ACYP2: variants seen among roughly 807,000 people sequenced by gnomAD.
ACYP2 encodes acylphosphatase 2, also known as acylphosphatase-2.
Under a neutral mutation model 11.2 loss-of-function variants are expected in ACYP2, and 12 were observed. That is an observed-to-expected ratio of 1.08 (90% confidence interval 0.69 to 1.74). ACYP2 has a LOEUF of 1.74. Ranked by LOEUF, ACYP2 falls within the 40% of genes most tolerant of loss-of-function variation. ACYP2 has a pLI of 0.00. For synonymous variants in ACYP2, 43 were observed against 32.2 expected, an observed-to-expected ratio of 1.33 and a Z score of -1.13; for missense variants, 134 against 101.9, an observed-to-expected ratio of 1.31 and a Z score of -1.35.
At chr2:54,018,237 G>T (rs376991992) in intron 2 of ACYP2, among the ~76,000 whole-genome samples, 54 of 152,304 alleles carry the variant, frequency 3.5e-4, no homozygotes, top group African/African-American at 1.3e-3. Context: ...CCCTCCCCCA[G>T]AGTTGCTGAT....
chr2:54,158,641 A>G (rs754888973), intron 6 of ACYP2, among the ~76,000 whole-genome samples: 2 of 152,224 alleles, frequency 1.3e-5, no homozygotes, highest in African/African-American at 2.4e-5. Flanking sequence ...ATTCCTGGAT[A>G]TGGGTCAAAG....
At chr2:54,177,732 C>A (rs1010134888) in intron 6 of ACYP2, among the ~76,000 whole-genome samples, 1 of 151,766 alleles carries the variant, frequency 6.6e-6, no homozygotes, top group African/African-American at 2.4e-5. Context: ...CACGCACCAC[C>A]ATGCCCAGAT....
intron 6 of ACYP2, among the ~76,000 whole-genome samples, chr2:54,164,007 G>A (rs1407349494): frequency 6.6e-6 from 1 of 152,234 alleles, no homozygotes; most frequent in African/African-American, 2.4e-5. Flanking sequence ...ACTTATGCCT[G>A]TGAAAGTTAA....
chr2:54,092,419 T>C (rs1010884638), intron 4 of ACYP2, among the ~76,000 whole-genome samples: 1 of 152,290 alleles, frequency 6.6e-6, no homozygotes, highest in Middle Eastern at 3.4e-3. Context: ...CCAGTTGTGA[T>C]GGTAAGTGAA....
At chr2:54,095,853 T>A (rs1210785924) in intron 4 of ACYP2, among the ~76,000 whole-genome samples, 5 of 46,456 alleles carry the variant, frequency 1.1e-4, no homozygotes, top group Admixed American at 1.9e-4. Context: ...CACTTCCCAG[T>A]AGGGGCGGCC....
intron 2 of ACYP2, among the ~76,000 whole-genome samples, chr2:54,048,599 C>A (rs1374203817): frequency 2.0e-5 from 3 of 152,138 alleles, no homozygotes; most frequent in Non-Finnish European, 4.4e-5. Context: ...CTACTGGGCT[C>A]AAGGGATCCT....
Position 54,089,673 on chromosome 2 carries a change from A to G in ACYP2, c.277+32313A>G, listed in dbSNP as rs1470890170. ...AAGGATCGCCTAAGCCCCAGTGGTC[A>G]AGGTTGCAGTGAGCCGTGACTGCAC... On this transcript the variant is annotated intron_variant, in intron 4 of 6. Coordinates refer to ENST00000607452, the MANE Select transcript of ACYP2 (RefSeq NM_001320586.2). Among the ~76,000 whole-genome samples, 3 of 152,002 alleles carry G rather than the reference A, an allele frequency of 2.0e-5. No individual in the cohort carries two copies. The East Asian group carries it at 5.8e-4, about 29-fold the overall frequency.
At chr2:54,177,536 T>C (rs988578211) in intron 6 of ACYP2, among the ~76,000 whole-genome samples, 7 of 144,854 alleles carry the variant, frequency 4.8e-5, no homozygotes, top group Non-Finnish European at 1.0e-4. Flanking sequence ...CGTTTGAGTA[T>C]GCCATCTATT....
intron 6 of ACYP2, among the ~76,000 whole-genome samples, chr2:54,256,789 C>A (rs1440024943): frequency 2.0e-5 from 3 of 152,042 alleles, no homozygotes; most frequent in Non-Finnish European, 4.4e-5. Context: ...TTACAGGCGC[C>A]CACCACCATG....
intron 6 of ACYP2, among the ~76,000 whole-genome samples, chr2:54,154,861 T>C (rs1392956680): frequency 1.3e-5 from 2 of 152,206 alleles, no homozygotes; most frequent in Non-Finnish European, 2.9e-5. Context: ...TTAGTTTAAA[T>C]GTTTGGCAGA....
rs556776306 is a variant in ACYP2 at position 54,157,006 on chromosome 2, G to T, written c.404+18258G>T. The stretch of plus-strand genomic sequence containing the variant: ...ATTTTAAATAAATATTTTTTAAAAA[G>T]GTATCTCAATTTTCCAAAAACTTGA... On this transcript the variant is annotated intron_variant, in intron 6 of 6. Coordinates refer to ENST00000607452, the MANE Select transcript of ACYP2 (RefSeq NM_001320586.2). Among the ~76,000 whole-genome samples, 3 of 152,036 alleles carry T rather than the reference G, an allele frequency of 2.0e-5. No individual in the cohort carries two copies. In the East Asian group the frequency reaches 5.8e-4, roughly 29 times the overall value.
At chr2:54,122,530 C>T (rs192266849) in intron 4 of ACYP2, among the ~76,000 whole-genome samples, 4 of 152,282 alleles carry the variant, frequency 2.6e-5, no homozygotes, top group Admixed American at 2.0e-4. Context: ...GGGGAGGCCA[C>T]GAAAGCCCAT....
chr2:54,201,149 A>T (rs1261622642), intron 6 of ACYP2, among the ~76,000 whole-genome samples: 1 of 147,110 alleles, frequency 6.8e-6, no homozygotes, highest in Admixed American at 6.9e-5. Flanking sequence ...TCTGTCGCCC[A>T]GGCTGGAGTG....
At chr2:54,052,810 A>C (rs1050871538) in intron 3 of ACYP2, among the ~76,000 whole-genome samples, 3 of 152,218 alleles carry the variant, frequency 2.0e-5, no homozygotes, top group Non-Finnish European at 4.4e-5. Context: ...TGATGGAAGT[A>C]GGTGGCCCAT....
At chr2:54,031,600 C>T (rs1272505725) in intron 2 of ACYP2, among the ~76,000 whole-genome samples, 1 of 152,144 alleles carries the variant, frequency 6.6e-6, no homozygotes, top group Non-Finnish European at 1.5e-5. Flanking sequence ...GTGCATGTGT[C>T]TTTATAGCAG....
At chr2:54,144,588 C>A (rs746070843) in intron 6 of ACYP2, among the ~76,000 whole-genome samples, 14 of 151,128 alleles carry the variant, frequency 9.3e-5, no homozygotes, top group Admixed American at 2.0e-4. Flanking sequence ...GCAGGAGAAT[C>A]GCTTGAACCC....
chr2:53,979,010 GCTATA>G, intron 2 of ACYP2, among the ~76,000 whole-genome samples: 1 of 151,950 alleles, frequency 6.6e-6, no homozygotes, highest in South Asian at 2.1e-4. Context: ...TTATGTATTT[GCTATA>G]CTATACCTTG....
intron 2 of ACYP2, among the ~76,000 whole-genome samples, chr2:54,022,411 T>C (rs1416813967): frequency 6.6e-6 from 1 of 152,124 alleles, no homozygotes; most frequent in Non-Finnish European, 1.5e-5. Flanking sequence ...AGACAGGTTC[T>C]CACTCTGTCA....
chr2:54,176,151 C>G (rs1369062366), intron 6 of ACYP2, among the ~76,000 whole-genome samples: 1 of 152,080 alleles, frequency 6.6e-6, no homozygotes, highest in Non-Finnish European at 1.5e-5. Context: ...TTTAGTAGCC[C>G]AAACTGACTA....
Sources: gnomAD v4.1 joint callset for allele counts (sites outside exome capture counted in the v4.1 genomes callset) on GRCh38, gnomAD v4.1.1 for gene constraint, MANE v1.5 for transcripts, NCBI Gene and HGNC (gene_info 2026-07-23, HGNC 2026-07-21) for gene names.